The following PDGFRL variants were observed in gnomAD, a reference collection of about 807,000 sequenced individuals.
PDGFRL encodes platelet derived growth factor receptor like.
In PDGFRL, 46 loss-of-function variants were observed where a neutral mutation model predicts 37.2. That is an observed-to-expected ratio of 1.24 (90% CI 0.98 to 1.58). The LOEUF (loss-of-function observed/expected upper bound fraction) is 1.58, where lower values mean the gene tolerates loss of function less well. Ranked by LOEUF, PDGFRL falls within the 40% of genes most tolerant of loss-of-function variation. The probability of loss-of-function intolerance (pLI) is 0.00; values close to 1 mark genes in which losing one functional copy is unlikely to be tolerated. For missense variants in PDGFRL, 692 were observed against 467.6 expected, an observed-to-expected ratio of 1.48 and a Z score of -4.43; for synonymous variants, 251 against 184.3, an observed-to-expected ratio of 1.36 and a Z score of -2.93.
intron 1 of PDGFRL, among the ~76,000 whole-genome samples, chr8:17,580,891 C>T (rs1454561737): frequency 1.3e-5 from 2 of 152,014 alleles, no homozygotes; most frequent in East Asian, 3.9e-4. Flanking sequence ...CACATCACTC[C>T]AATCTCTGCC....
Position 17,628,483 on chromosome 8 carries a change from G to T in PDGFRL, c.506-4G>T. 1 of 1,610,658 alleles carries T rather than the reference G, an allele frequency of 6.2e-7. No homozygotes were observed. The highest frequency in any genetic ancestry group is 8.5e-7 in the Non-Finnish European group (1 of 1,176,898). On this transcript the variant is annotated splice_region_variant and splice_polypyrimidine_tract_variant and intron_variant, in intron 3 of 5. Transcript: ENST00000251630. ...ATAAGCCTGTGTCTTCCTTCCCTTT[G>T]CAGAGAAAGGAGAACTCTTTGTACC...
chr8:17,586,490 C>T (rs898838786), intron 1 of PDGFRL, among the ~76,000 whole-genome samples: 1 of 152,172 alleles, frequency 6.6e-6, no homozygotes, highest in African/African-American at 2.4e-5. Context: ...ATGGCATGAG[C>T]CAGAGAAAGC....
At chr8:17,587,722 G>T (rs532236258) in intron 1 of PDGFRL, among the ~76,000 whole-genome samples, 1 of 151,844 alleles carries the variant, frequency 6.6e-6, no homozygotes, top group Non-Finnish European at 1.5e-5. Flanking sequence ...CCGCCTCCCG[G>T]GTTCAAGCAG....
intron 2 of PDGFRL, among the ~76,000 whole-genome samples, chr8:17,617,680 A>C (rs1339689284): frequency 1.3e-5 from 2 of 152,220 alleles, no homozygotes; most frequent in African/African-American, 4.8e-5. Context: ...GGAAAAATGC[A>C]GAACTGTTTT....
chr8:17,604,061 C>T (rs1211064195), intron 2 of PDGFRL, among the ~76,000 whole-genome samples: 1 of 151,912 alleles, frequency 6.6e-6, no homozygotes, highest in Non-Finnish European at 1.5e-5. Context: ...CCATGGAGGG[C>T]CTTGTTGGCC....
chr8:17,586,374 T>C (rs1214140973), intron 1 of PDGFRL, among the ~76,000 whole-genome samples: 2 of 152,154 alleles, frequency 1.3e-5, no homozygotes, highest in East Asian at 3.9e-4. Context: ...TCTGTTTGGC[T>C]TGGAACTCCA....
At position 17,592,426 on chromosome 8, in the gene PDGFRL, G is replaced by C. The variant is rs544745688; in HGVS notation, c.353+2661G>C. Among the ~76,000 whole-genome samples, 7 of 152,254 alleles carry C rather than the reference G, an allele frequency of 4.6e-5. No homozygotes were observed. In the South Asian group the frequency reaches 1.2e-3, roughly 27 times the overall value. On this transcript the variant is annotated intron_variant, in intron 2 of 5. Transcript: ENST00000251630. ...ACTGCCGCTGGAGCAACACTTAAAA[G>C]TCAGAGTTCAGCGTGTGGCTTCCCT...
intron 2 of PDGFRL, among the ~76,000 whole-genome samples, chr8:17,599,726 C>T (rs1023611181): frequency 1.3e-5 from 2 of 152,184 alleles, no homozygotes; most frequent in African/African-American, 4.8e-5. Context: ...CTTCATCTCT[C>T]TGACTTTCAG....
chr8:17,582,883 G>A (rs941197766), intron 1 of PDGFRL, among the ~76,000 whole-genome samples: 1 of 152,130 alleles, frequency 6.6e-6, no homozygotes, highest in Non-Finnish European at 1.5e-5. Flanking sequence ...AATGGTTTTG[G>A]GGGGCAGGCC....
At chr8:17,607,615 T>C (rs2517193) in intron 2 of PDGFRL, among the ~76,000 whole-genome samples, 3,010 of 152,324 alleles carry the variant, frequency 0.02, 75 homozygotes, top group African/African-American at 0.049. Context: ...TCTTGCAAGA[T>C]GGAGCATTGT....
intron 2 of PDGFRL, among the ~76,000 whole-genome samples, chr8:17,603,875 G>A (rs904775181): frequency 1.2e-4 from 19 of 152,170 alleles, no homozygotes; most frequent in Non-Finnish European, 2.5e-4. Context: ...GTAAGGAAGG[G>A]CATAGCAAGA....
At position 17,634,148 on chromosome 8, in the gene PDGFRL, C is replaced by T; in HGVS notation, c.874C>T (p.Leu292Phe). The stretch of plus-strand genomic sequence containing the variant: ...GAAAAGTGGGGACGACATCAGTGTG[C>T]TCTGCACTGTCCTGGGGGAGCCCGA... The part of the protein sequence containing the change: ...KVKSGDDISV[L>F]CTVLGEPDVE... Residue 292 changes from leucine to phenylalanine, a missense_variant, in exon 5 of 6, where the codon CTC (leucine) becomes TTC (phenylalanine). Transcript: ENST00000251630. 2 of 1,612,474 alleles carry T rather than the reference C, an allele frequency of 1.2e-6. No individual in the cohort carries two copies. Among genetic ancestry groups the T allele is most frequent in the Non-Finnish European group, 1.7e-6 (2 of 1,178,444 alleles).
chr8:17,627,018 C>T (rs968363263), intron 3 of PDGFRL, among the ~76,000 whole-genome samples: 6 of 152,180 alleles, frequency 3.9e-5, no homozygotes, highest in Non-Finnish European at 7.3e-5. Flanking sequence ...TTCCCCTCCG[C>T]TAACCTTGGC....
At chr8:17,620,938 A>G in intron 2 of PDGFRL, 113 bp from the exon 3 acceptor site, 1 of 537,694 alleles carries the variant, frequency 1.9e-6, no homozygotes, top group Admixed American at 3.8e-5. Context: ...ACTCTATGAC[A>G]TCGGAGAAAG....
At chr8:17,582,883 G>T (rs941197766) in intron 1 of PDGFRL, among the ~76,000 whole-genome samples, 1 of 152,130 alleles carries the variant, frequency 6.6e-6, no homozygotes, top group African/African-American at 2.4e-5. Context: ...AATGGTTTTG[G>T]GGGGCAGGCC....
At chr8:17,614,294 A>G (rs1004691533) in intron 2 of PDGFRL, among the ~76,000 whole-genome samples, 6 of 152,192 alleles carry the variant, frequency 3.9e-5, no homozygotes, top group African/African-American at 1.4e-4. Context: ...TTAAAGAAAC[A>G]TAAACAGTGA....
intron 2 of PDGFRL, among the ~76,000 whole-genome samples, chr8:17,592,832 G>C (rs993650754): frequency 1.3e-5 from 2 of 152,034 alleles, no homozygotes; most frequent in East Asian, 3.8e-4. Context: ...AGACTTAGCT[G>C]AGTGGTTGGC....
chr8:17,583,292 C>T (rs945138664), intron 1 of PDGFRL, among the ~76,000 whole-genome samples: 3 of 152,152 alleles, frequency 2.0e-5, no homozygotes, highest in South Asian at 2.1e-4. Context: ...TAGAGAGCCA[C>T]CAGCAGTATG....
At position 17,580,670 on chromosome 8, in the gene PDGFRL, A is replaced by G. The variant is rs115263761; in HGVS notation, c.55+3363A>G. Among the ~76,000 whole-genome samples, 210 of 152,326 alleles carry G rather than the reference A, an allele frequency of 1.4e-3. 1 individual carries two copies. Among genetic ancestry groups the G allele is most frequent in the African/African-American group, 4.7e-3 (197 of 41,564 alleles). On this transcript the variant is annotated intron_variant, in intron 1 of 5. Transcript: ENST00000251630. ...CATCGAGAATCATGAATCAGGGTCTATTAGGTTCCTAGGGCTGCCATAACA... is the reference window on the plus strand; with the variant it reads ...CATCGAGAATCATGAATCAGGGTCTGTTAGGTTCCTAGGGCTGCCATAACA...
Sources: gnomAD v4.1 joint callset for allele counts (sites outside exome capture counted in the v4.1 genomes callset) on GRCh38, gnomAD v4.1.1 for gene constraint, MANE v1.5 for transcripts, NCBI Gene and HGNC (gene_info 2026-07-23, HGNC 2026-07-21) for gene names.